The following AGMO variants were observed in gnomAD, a reference collection of about 807,000 sequenced individuals.
AGMO encodes the protein glyceryl-ether monooxygenase.
A neutral mutation model predicts 60.2 loss-of-function variants in AGMO; 75 were observed. That is an observed-to-expected ratio of 1.25 (90% CI 1.03 to 1.51). The LOEUF (loss-of-function observed/expected upper bound fraction) is 1.51, where lower values mean the gene tolerates loss of function less well. Among genes scored for constraint, AGMO ranks in the 40% most tolerant of loss-of-function variants. The pLI is 0.00. For missense variants in AGMO, 763 were observed against 525.5 expected (o/e 1.45, Z -4.42); for synonymous variants, 261 against 177.1 (o/e 1.47, Z -3.76).
intron 3 of AGMO, among the ~76,000 whole-genome samples, chr7:15,473,156 G>T (rs746701359): frequency 1.3e-5 from 2 of 151,918 alleles, no homozygotes; most frequent in East Asian, 1.9e-4. Flanking sequence ...AGAAGAAATT[G>T]ATAAATTCCT....
chr7:15,554,630 T>C (rs1356231394), intron 2 of AGMO, among the ~76,000 whole-genome samples: 2 of 152,086 alleles, frequency 1.3e-5, no homozygotes, highest in Non-Finnish European at 2.9e-5. Context: ...CTAATATTTT[T>C]CTCTCATCAC....
chr7:15,553,959 A>G (rs1007891482), intron 2 of AGMO, among the ~76,000 whole-genome samples: 1 of 152,104 alleles, frequency 6.6e-6, no homozygotes, highest in African/African-American at 2.4e-5. Flanking sequence ...AGAGGGGAGA[A>G]GCTGTGGGAG....
chr7:15,316,087 C>T (rs1216352370), intron 12 of AGMO, among the ~76,000 whole-genome samples: 2 of 152,100 alleles, frequency 1.3e-5, no homozygotes, highest in African/African-American at 4.8e-5. Flanking sequence ...TAAAGGATAG[C>T]AAAGATCATC....
intron 12 of AGMO, among the ~76,000 whole-genome samples, chr7:15,281,512 G>A (rs941079408): frequency 1.3e-5 from 2 of 152,122 alleles, no homozygotes; most frequent in African/African-American, 2.4e-5. Flanking sequence ...TGAATAGCCA[G>A]AACATTGGGT....
intron 12 of AGMO, among the ~76,000 whole-genome samples, chr7:15,312,950 T>C (rs35165399): frequency 2.6e-5 from 4 of 152,122 alleles, no homozygotes; most frequent in Non-Finnish European, 5.9e-5. Context: ...ATTACAGACA[T>C]GAGCCACCAC....
chr7:15,340,856 A>C (rs539069476), intron 12 of AGMO, among the ~76,000 whole-genome samples: 1 of 152,268 alleles, frequency 6.6e-6, no homozygotes, highest in Non-Finnish European at 1.5e-5. Flanking sequence ...GGCACTGCCT[A>C]GTGGAGCTGT....
chr7:15,249,456 G>A (rs1782866096), intron 12 of AGMO, among the ~76,000 whole-genome samples: 1 of 152,138 alleles, frequency 6.6e-6, no homozygotes, highest in Non-Finnish European at 1.5e-5. Flanking sequence ...TATTTAGAGT[G>A]TATGACACTT....
chr7:15,334,761 A>G (rs1781600950), intron 12 of AGMO, among the ~76,000 whole-genome samples: 1 of 152,202 alleles, frequency 6.6e-6, no homozygotes, highest in Non-Finnish European at 1.5e-5. Context: ...ACCCTCCAAC[A>G]ACTGACTGAA....
intron 12 of AGMO, among the ~76,000 whole-genome samples, chr7:15,271,151 G>A (rs1053677744): frequency 6.6e-6 from 1 of 152,028 alleles, no homozygotes; most frequent in African/African-American, 2.4e-5. Flanking sequence ...TGGCTATTTT[G>A]GCTCTGTTTG....
chr7:15,282,000 C>A (rs1783980772), intron 12 of AGMO, among the ~76,000 whole-genome samples: 1 of 152,060 alleles, frequency 6.6e-6, no homozygotes, highest in South Asian at 2.1e-4. Context: ...GCACCAAGAG[C>A]AGAATTAGCT....
At position 15,242,863 on chromosome 7, in the gene AGMO, G is replaced by C. The variant is rs991048083; in HGVS notation, c.1264-41504C>G. ...AAATGATTTAATCTATTGAAATATA[G>C]AAATAAGATAAATGACATTAAGTGT... On this transcript the variant is annotated intron_variant, in intron 12 of 12. Coordinates refer to ENST00000342526, the MANE Select transcript of AGMO (RefSeq NM_001004320.2). 1.3e-4 allele frequency among the ~76,000 whole-genome samples: 20 copies of C among 151,932 alleles called. 1 individual carries two copies. Among genetic ancestry groups the C allele is most frequent in the African/African-American group, 4.1e-4 (17 of 41,366 alleles).
At chr7:15,299,830 TACACACAC>T (rs756832586) in intron 12 of AGMO, among the ~76,000 whole-genome samples, 2,171 of 48,034 alleles carry the variant, frequency 0.045, 37 homozygotes, top group East Asian at 0.097. Flanking sequence ...TCTGTCTACA[TACACACAC>T]ACACACACAC....
the AGMO span, among the ~76,000 whole-genome samples, chr7:15,181,868 T>TA: frequency 1.3e-5 from 2 of 152,158 alleles, no homozygotes; most frequent in African/African-American, 4.8e-5. Context: ...GTGGTGCAGA[T>TA]AAAATCTGTA....
intron 2 of AGMO, among the ~76,000 whole-genome samples, chr7:15,553,697 T>G (rs528083658): frequency 1.8e-3 from 277 of 152,014 alleles, no homozygotes; most frequent in African/African-American, 6.5e-3. Context: ...TAGAAAAACT[T>G]CCATTTGTAA....
chr7:15,139,363 CTTTAACT>C, the AGMO span, among the ~76,000 whole-genome samples: 1 of 152,070 alleles, frequency 6.6e-6, no homozygotes, highest in Non-Finnish European at 1.5e-5. Context: ...TGTATTCTTT[CTTTAACT>C]TTTATCTTAG....
intron 12 of AGMO, among the ~76,000 whole-genome samples, chr7:15,351,369 TG>T (rs2128553942): frequency 6.6e-6 from 1 of 152,280 alleles, no homozygotes; most frequent in African/African-American, 2.4e-5. Context: ...AATACCATTT[TG>T]ATTACAGAAG....
chr7:15,553,665 C>A (rs570065352), intron 2 of AGMO, among the ~76,000 whole-genome samples: 14 of 152,018 alleles, frequency 9.2e-5, no homozygotes, highest in African/African-American at 3.1e-4. Context: ...ATACCAAGAT[C>A]TCAATAACAG....
chr7:15,366,041 A>C, intron 11 of AGMO, 99 bp downstream of exon 11: 1 of 817,330 alleles, frequency 1.2e-6, no homozygotes, highest in Non-Finnish European at 1.9e-6. Context: ...TTTATTTTTA[A>C]AACTACACTA....
rs1233996257 is a variant in AGMO, at chr7:15,531,565, ATATATTCCATATATATATTC to A, written c.409+13187_409+13206del. Among the ~76,000 whole-genome samples, 12 of 106,040 alleles carry A rather than the reference ATATATTCCATATATATATTC, an allele frequency of 1.1e-4. 1 individual carries two copies. The highest frequency in any genetic ancestry group is 1.4e-4 in the African/African-American group (4 of 27,752). 69.6% of individuals were successfully genotyped at this position (106,040 alleles called of 152,430 possible). On this transcript the variant is annotated intron_variant, in intron 3 of 12. Transcript: ENST00000342526. ...TATATATTCTATATATATATTCTCT[ATATATTCCATATATATATTC>A]TATATATATTCTATATATATATTCT...
Sources: allele counts gnomAD v4.1 joint callset (sites outside exome capture counted in the v4.1 genomes callset), GRCh38; gene constraint gnomAD v4.1.1; transcripts MANE v1.5; gene names NCBI Gene and HGNC (gene_info 2026-07-23, HGNC 2026-07-21).